Variants in PLXNA3 observed in about 807,000 individuals in gnomAD.
PLXNA3 encodes plexin-A3.
In PLXNA3, 52 loss-of-function variants were observed where a neutral mutation model predicts 118.8. The observed-to-expected ratio is 0.44, with a 90% CI of 0.35 to 0.55. The LOEUF is 0.55. Among genes scored for constraint, PLXNA3 ranks in the 20% least tolerant of loss-of-function variants. PLXNA3 has a pLI of 0.01. For synonymous variants in PLXNA3, 925 were observed against 762.4 expected (o/e 1.21, Z -3.51); for missense variants, 1,660 against 1,730.8 (o/e 0.96, Z 0.73).
chrX:154,464,209 C>T lies in PLXNA3; in HGVS notation c.1724C>T (p.Ala575Val), dbSNP rs1357426105. The stretch of plus-strand genomic sequence containing the variant: ...GACCTCAGTGCGGGCGTGAGCTGCG[C>T]CTTCGAGGCGGCGGCGGAGAACGAG... ...VPDLSAGVSC[A>V]FEAAAENEAV... Residue 575 changes from alanine (A) to valine (V), a missense_variant, in exon 8 of 33, where the codon GCC becomes GTC. Ala to Val is a moderately conservative substitution (Grantham distance 64). This residue lies in a region of PLXNA3 where 791 missense variants were observed against 652.1 expected (regional missense o/e 1.21). Transcript: ENST00000369682. 4 of 1,207,921 alleles carry T rather than the reference C, an allele frequency of 3.3e-6. No individual in the cohort carries two copies. Among genetic ancestry groups the T allele is most frequent in the Non-Finnish European group, 4.5e-6 (4 of 894,363 alleles).
In PLXNA3 at chrX:154,469,966, C is replaced by G. The variant is rs781995009; in HGVS notation, c.4796-11C>G. 1.7e-6 allele frequency: 2 copies of G among 1,207,474 alleles called. No individual in the cohort carries two copies. Among genetic ancestry groups the G allele is most frequent in the South Asian group, 3.5e-5 (2 of 56,671 alleles). On this transcript the variant is annotated splice_polypyrimidine_tract_variant and intron_variant, in intron 28 of 32. Coordinates refer to ENST00000369682, the MANE Select transcript of PLXNA3 (RefSeq NM_017514.5). ...TGGTGGCCTAAGGGTCACATGCATTCTCTGCTCCAGAGAGCTTGCTCCGCA... is the reference window on the plus strand; with the variant it reads ...TGGTGGCCTAAGGGTCACATGCATTGTCTGCTCCAGAGAGCTTGCTCCGCA...
chrX:154,464,093 C>A lies in PLXNA3; in HGVS notation c.1671+19C>A, dbSNP rs372394453. 9 of 1,209,683 alleles carry A rather than the reference C, an allele frequency of 7.4e-6. No homozygotes were observed. Among genetic ancestry groups the A allele is most frequent in the Non-Finnish European group, 1.0e-5 (9 of 894,746 alleles). ...GGTGCAGGTGAGCAGCTTGGGGGTG[C>A]CCGGCTGGGTGTGCACATGTGTGCT... On this transcript the variant is annotated intron_variant, in intron 7 of 32. Coordinates refer to ENST00000369682, the MANE Select transcript of PLXNA3 (RefSeq NM_017514.5).
At chrX:154,458,657 A>G (rs1409258532) in intron 1 of PLXNA3, among the ~76,000 whole-genome samples, 3 of 111,979 alleles carry the variant, frequency 2.7e-5, no homozygotes, top group Non-Finnish European at 5.7e-5. Flanking sequence ...CGGAGGATCA[A>G]CGCTGTACTT....
At chrX:154,464,100 G>A in intron 7 of PLXNA3, 26 bp downstream of exon 7, 1 of 1,210,743 alleles carries the variant, frequency 8.3e-7, no homozygotes, top group Admixed American at 2.2e-5. Flanking sequence ...GTGCCCGGCT[G>A]GGTGTGCACA....
chrX:154,469,997 A>G lies in PLXNA3; in HGVS notation c.4816A>G (p.Ser1606Gly). ...TCCAGAGAGCTTGCTCCGCACGGCC[A>G]GCAGCCCTGATAGCCTCCGCTCACG... is the stretch of plus-strand genomic sequence containing the variant. ...SRYESLLRTA[S>G]SPDSLRSRAP... The change falls in exon 29 of 33, where the codon AGC becomes GGC. Residue 1606 changes from serine to glycine, a missense_variant. Physicochemically the swap from Ser to Gly is moderately conservative, Grantham distance 56. Coordinates refer to ENST00000369682, the MANE Select transcript of PLXNA3 (RefSeq NM_017514.5). 3 of 1,211,512 alleles carry G rather than the reference A, an allele frequency of 2.5e-6. No homozygotes were observed. The highest frequency in any genetic ancestry group is 3.4e-6 in the Non-Finnish European group (3 of 895,430).
intron 28 of PLXNA3, 53 bp from the exon 29 acceptor site, chrX:154,469,924 G>C: frequency 8.5e-7 from 1 of 1,175,412 alleles, no homozygotes; most frequent in Non-Finnish European, 1.2e-6. Flanking sequence ...TCCCGGGAGA[G>C]TGGGGCAGGG....
At position 154,466,133 on chromosome X, in the gene PLXNA3, C is replaced by T. The variant is rs782266741; in HGVS notation, c.2679-17C>T. ...CCGTATGTGGCCTGGCCGGCCCTGA[C>T]GCTCTCTGAGCCCTAGGATCGTGTG... On this transcript the variant is annotated splice_polypyrimidine_tract_variant and intron_variant, in intron 14 of 32. Transcript: ENST00000369682. 8.3e-6 allele frequency: 10 copies of T among 1,210,388 alleles called. No individual in the cohort carries two copies. The highest frequency in any genetic ancestry group is 5.2e-5 in the African/African-American group (3 of 57,991).
chrX:154,469,835 T>A (rs782267045), intron 28 of PLXNA3, 51 bp downstream of exon 28: 12 of 1,134,365 alleles, frequency 1.1e-5, no homozygotes, highest in Non-Finnish European at 1.5e-5. Context: ...AACCCCCACT[T>A]CCAAGTGCCA....
At chrX:154,464,938 C>T in intron 10 of PLXNA3, 70 bp downstream of exon 10, 4 of 1,088,448 alleles carry the variant, frequency 3.7e-6, no homozygotes, top group Non-Finnish European at 5.0e-6. Context: ...TCTATGCGTT[C>T]TCGGTTTCTT....
chrX:154,469,281 G>A, intron 26 of PLXNA3, 66 bp downstream of exon 26: 1 of 1,155,803 alleles, frequency 8.7e-7, no homozygotes. Flanking sequence ...ACCTCCGTGG[G>A]CTCTCCCGCT....
intron 1 of PLXNA3, among the ~76,000 whole-genome samples, chrX:154,458,776 G>T (rs1318286829): frequency 8.9e-6 from 1 of 112,318 alleles, no homozygotes; most frequent in East Asian, 2.8e-4. Context: ...CTGGACCCCC[G>T]TCTCTGCGTG....
rs150493678 is a variant in PLXNA3, at chrX:154,461,552, C to T, written c.1048C>T (p.Arg350Trp). The T allele has an allele frequency of 9.2e-5, 111 of 1,208,723 alleles. No individual in the cohort carries two copies. The highest frequency in any genetic ancestry group is 1.1e-4 in the Admixed American group (5 of 46,025). The change falls in exon 3 of 33, where the codon CGG (arginine) becomes TGG (tryptophan). Residue 350 changes from arginine (R) to tryptophan (W), a missense_variant. Around this residue, in one of 2 missense-constraint regions of PLXNA3, gnomAD observed 791 missense variants for 652.1 expected, o/e 1.21. Transcript: ENST00000369682. The part of the protein sequence containing the change: ...FTLSNINAHI[R>W]RRIQSCYRGE... ...CCTCAGCAACATCAATGCCCACATC[C>T]GGCGCCGCATCCAGTCCTGCTATCG... is the stretch of plus-strand genomic sequence containing the variant.
chrX:154,469,579 C>G, intron 27 of PLXNA3, 97 bp downstream of exon 27: 1 of 930,879 alleles, frequency 1.1e-6, no homozygotes, highest in East Asian at 3.1e-5. Flanking sequence ...CCTGGCTCCC[C>G]TCGCCCTTCT....
At chrX:154,460,864 C>T (rs782743282) in intron 2 of PLXNA3, 87 bp downstream of exon 2, 109 of 746,922 alleles carry the variant, frequency 1.5e-4, no homozygotes, top group South Asian at 3.1e-4. Context: ...AGGGGACTTT[C>T]GGCTCCTCAG....
At chrX:154,463,753 C>T in intron 6 of PLXNA3, 63 bp downstream of exon 6, 15 of 1,026,076 alleles carry the variant, frequency 1.5e-5, no homozygotes, top group East Asian at 3.3e-5. Flanking sequence ...GAGCCAGCCA[C>T]ACCCAGCCGT....
In PLXNA3 at chrX:154,462,314, G is replaced by A. The variant is rs2068986425; in HGVS notation, c.1317+4G>A. 1.8e-6 allele frequency: 2 copies of A among 1,134,307 alleles called. No homozygotes were observed. The highest frequency in any genetic ancestry group is 3.2e-5 in the East Asian group (1 of 30,888). 93.5% of individuals were successfully genotyped at this position (1,134,307 alleles called of 1,213,427 possible). ...GCGCAGCGGCAGCTTGAAGAAGGTG[G>A]CCCCCAGAGCCCTGGGCATGTGGGG... is the stretch of plus-strand genomic sequence containing the variant. On this transcript the variant is annotated splice_donor_region_variant and intron_variant, in intron 4 of 32. Transcript: ENST00000369682.
intron 20 of PLXNA3, 24 bp downstream of exon 20, chrX:154,467,712 C>T: frequency 8.3e-7 from 1 of 1,205,191 alleles, no homozygotes; most frequent in South Asian, 1.8e-5. Context: ...GGGAGACCCC[C>T]TGGGCAGCCC....
At position 154,463,415 on chromosome X, in the gene PLXNA3, G is replaced by T; in HGVS notation, c.1342G>T (p.Ala448Ser). The T allele has an allele frequency of 5.0e-6, 6 of 1,210,132 alleles. No individual in the cohort carries two copies. Among genetic ancestry groups the T allele is most frequent in the Non-Finnish European group, 6.7e-6 (6 of 894,854 alleles). The change falls in exon 5 of 33, where the codon GCC becomes TCC. Residue 448 changes from alanine (A) to serine (S), a missense_variant. Coordinates refer to ENST00000369682, the MANE Select transcript of PLXNA3 (RefSeq NM_017514.5). Reference protein sequence around the residue: ...KKVRVDGFQDAHLYETVPVVD... With the variant: ...KKVRVDGFQDSHLYETVPVVD... ...GGTGCGGGTCGATGGCTTCCAGGAT[G>T]CCCACCTGTATGAGACAGTCCCCGT...
chrX:154,465,878 C>T, intron 13 of PLXNA3, 31 bp downstream of exon 13: 1 of 1,208,967 alleles, frequency 8.3e-7, no homozygotes, highest in South Asian at 1.8e-5. Flanking sequence ...CTGCCCACTG[C>T]CAACAGGGCC....
Sources: allele counts gnomAD v4.1 joint callset (sites outside exome capture counted in the v4.1 genomes callset), GRCh38; gene constraint gnomAD v4.1.1; regional missense constraint gnomAD v4.1.1; transcripts MANE v1.5; gene names NCBI Gene and HGNC (gene_info 2026-07-23, HGNC 2026-07-21).